The following TRIO variants were observed in gnomAD, a reference collection of about 807,000 sequenced individuals.
TRIO encodes triple functional domain protein.
TRIO carries 58 observed loss-of-function variants against 351.9 expected under a neutral mutation model. The observed-to-expected ratio is 0.16, with a 90% confidence interval of 0.13 to 0.21. The LOEUF is 0.21. Ranked by LOEUF, TRIO falls within the 10% of genes least tolerant of loss-of-function variation. TRIO has a pLI of 1.00. For missense variants in TRIO, 3,201 were observed against 4,027.8 expected (o/e 0.79, Z 5.56); for synonymous variants, 1,758 against 1,595.7 (o/e 1.10, Z -2.42).
At chr5:14,217,993 C>T (rs1032497454) in intron 1 of TRIO, among the ~76,000 whole-genome samples, 1 of 152,144 alleles carries the variant, frequency 6.6e-6, no homozygotes, top group South Asian at 2.1e-4. Context: ...TGAAAGAAGA[C>T]TCTGCTTTTC....
intron 34 of TRIO, among the ~76,000 whole-genome samples, chr5:14,450,054 T>A (rs189973269): frequency 1.3e-5 from 2 of 152,216 alleles, no homozygotes. Flanking sequence ...CATTTTCCAA[T>A]GCTTATGTAA....
chr5:14,374,579 C>G (rs555342805), intron 19 of TRIO, among the ~76,000 whole-genome samples: 1 of 152,040 alleles, frequency 6.6e-6, no homozygotes, highest in East Asian at 1.9e-4. Context: ...AGAATATAAA[C>G]AGGGAGAAAA....
chr5:14,182,883 C>T (rs1253511550), intron 1 of TRIO, among the ~76,000 whole-genome samples: 4 of 147,634 alleles, frequency 2.7e-5, no homozygotes, highest in African/African-American at 7.5e-5. Flanking sequence ...TCCACTTTGC[C>T]GTGCACTTTG....
chr5:14,470,827 G>A (rs1754627524), intron 37 of TRIO, among the ~76,000 whole-genome samples: 1 of 152,200 alleles, frequency 6.6e-6, no homozygotes, highest in Non-Finnish European at 1.5e-5. Flanking sequence ...AGGATAATCA[G>A]GAAACAAACC....
chr5:14,314,722 C>T (rs1479253864), intron 8 of TRIO, among the ~76,000 whole-genome samples: 1 of 152,190 alleles, frequency 6.6e-6, no homozygotes, highest in Non-Finnish European at 1.5e-5. Flanking sequence ...TCTCTGAATC[C>T]ACCACCCAAA....
chr5:14,456,084 G>A (rs569432362), intron 34 of TRIO, among the ~76,000 whole-genome samples: 12 of 152,344 alleles, frequency 7.9e-5, no homozygotes, highest in East Asian at 7.7e-4. Flanking sequence ...TGGGGGACCC[G>A]GCACACCCTC....
At chr5:14,395,379 G>C (rs1156821755) in intron 28 of TRIO, among the ~76,000 whole-genome samples, 1 of 152,206 alleles carries the variant, frequency 6.6e-6, no homozygotes, top group South Asian at 2.1e-4. Context: ...TTACCTTTCA[G>C]TGTCCTCAAG....
In TRIO at chr5:14,377,529, C is replaced by T. The variant is rs557880490; in HGVS notation, c.3332-483C>T. Among the ~76,000 whole-genome samples, 54 of 152,244 alleles carry T rather than the reference C, an allele frequency of 3.5e-4. No individual in the cohort carries two copies. In the South Asian group the frequency reaches 9.3e-3, roughly 26 times the overall value. On this transcript the variant is annotated intron_variant, in intron 19 of 56. Coordinates refer to ENST00000344204, the MANE Select transcript of TRIO (RefSeq NM_007118.4). ...CCTCCCAAAGTACTGGGATTACAGG[C>T]GTGAGCCACCGCGCCCAGCTTGGTT... is the stretch of plus-strand genomic sequence containing the variant.
chr5:14,506,600 G>A (rs927999015), intron 55 of TRIO, among the ~76,000 whole-genome samples: 2 of 152,234 alleles, frequency 1.3e-5, no homozygotes, highest in African/African-American at 4.8e-5. Flanking sequence ...GCACTTGGCA[G>A]TGCTGGGTAA....
At position 14,283,763 on chromosome 5, in the gene TRIO, T is replaced by TAAACAAAC. The variant is rs545529035; in HGVS notation, c.348-3093_348-3086dup. ...TCGCCCCTCCCTGCCCTTTTTTTTT[T>TAAACAAAC]AAACAAACAAACAAACAAACAATTG... On this transcript the variant is annotated intron_variant, in intron 3 of 56. Transcript: ENST00000344204. Among the ~76,000 whole-genome samples the TAAACAAAC allele has an allele frequency of 5.9e-5, 9 of 151,608 alleles. 1 individual carries two copies. The highest frequency in any genetic ancestry group is 2.2e-4 in the African/African-American group (9 of 41,248).
At chr5:14,387,676 T>TA in intron 22 of TRIO, 44 bp downstream of exon 22, 1 of 1,609,660 alleles carries the variant, frequency 6.2e-7, no homozygotes, top group African/African-American at 1.3e-5. Context: ...GTCTTCTTCC[T>TA]AACGCCCTCT....
chr5:14,193,337 G>A (rs1350259574), intron 1 of TRIO, among the ~76,000 whole-genome samples: 2 of 152,272 alleles, frequency 1.3e-5, no homozygotes, highest in East Asian at 3.9e-4. Context: ...ATAAAATACT[G>A]CAAGGATATT....
chr5:14,473,061 A>G (rs956237379), intron 39 of TRIO, among the ~76,000 whole-genome samples: 11 of 152,188 alleles, frequency 7.2e-5, no homozygotes, highest in Non-Finnish European at 2.9e-5. Flanking sequence ...GTTCGGTTCC[A>G]TCCTGAATCC....
At chr5:14,400,940 T>A in intron 30 of TRIO, 23 bp from the exon 31 acceptor site, 2 of 1,608,740 alleles carry the variant, frequency 1.2e-6, no homozygotes, top group Non-Finnish European at 1.7e-6. Flanking sequence ...GTCACCTAAT[T>A]ATATAATTGT....
intron 1 of TRIO, among the ~76,000 whole-genome samples, chr5:14,191,867 A>C (rs1228690979): frequency 1.3e-5 from 2 of 152,158 alleles, no homozygotes; most frequent in Non-Finnish European, 2.9e-5. Flanking sequence ...TAAAACTCTG[A>C]TTTTGTTGAT....
At chr5:14,191,688 G>A (rs192953178) in intron 1 of TRIO, among the ~76,000 whole-genome samples, 16 of 152,270 alleles carry the variant, frequency 1.1e-4, no homozygotes, top group Admixed American at 1.0e-3. Flanking sequence ...TAGGTAAAGT[G>A]AATAGGGAAG....
chr5:14,296,059 G>A (rs146954515), intron 6 of TRIO, among the ~76,000 whole-genome samples: 229 of 152,302 alleles, frequency 1.5e-3, no homozygotes, highest in African/African-American at 5.1e-3. Flanking sequence ...CAAGAGACAG[G>A]AAGGAGGCTG....
chr5:14,229,942 A>G (rs1390746498), intron 1 of TRIO, among the ~76,000 whole-genome samples: 2 of 152,194 alleles, frequency 1.3e-5, no homozygotes, highest in Non-Finnish European at 2.9e-5. Flanking sequence ...CTGTGAAAAA[A>G]GAAAGAGGTG....
In TRIO at chr5:14,393,980, C is replaced by T; in HGVS notation, c.4219-58C>T. 3 of 1,148,440 alleles carry T rather than the reference C, an allele frequency of 2.6e-6. No individual in the cohort carries two copies. The South Asian group carries it at 4.4e-5, about 17-fold the overall frequency. The allele number at this position is 1,148,440 out of a possible 1,614,324, so 71.1% of individuals were successfully genotyped here. A position where few individuals can be genotyped will look rare whatever the true frequency, so the allele number is the denominator to read the frequency against. ...TTGGAAAAGTAATGTGTTTTATGGC[C>T]ATGATTTAATAGTGTAGCCCTATGA... On this transcript the variant is annotated intron_variant, in intron 27 of 56. Transcript: ENST00000344204.
Sources: gnomAD v4.1 joint callset for allele counts (sites outside exome capture counted in the v4.1 genomes callset) on GRCh38, gnomAD v4.1.1 for gene constraint, MANE v1.5 for transcripts, NCBI Gene and HGNC (gene_info 2026-07-23, HGNC 2026-07-21) for gene names.